USH2A: variants seen among roughly 807,000 people sequenced by gnomAD.
The protein encoded by USH2A is Usher syndrome 2A (autosomal recessive, mild).
A neutral mutation model predicts 538.9 loss-of-function variants in USH2A; 443 were observed. The ratio of observed to expected loss-of-function variants is 0.82; its 90% CI spans 0.76 to 0.89. The LOEUF (loss-of-function observed/expected upper bound fraction) is 0.89. USH2A is among the 40% of genes least tolerant of loss of function. The pLI, the probability that USH2A is intolerant of heterozygous loss-of-function variation, is 0.00. For synonymous variants in USH2A, 2,413 were observed against 2,273.5 expected (o/e 1.06, Z -1.75); for missense variants, 6,633 against 6,324.8 (o/e 1.05, Z -1.65).
intron 22 of USH2A, among the ~76,000 whole-genome samples, chr1:216,094,223 G>A (rs12090884): frequency 6.6e-6 from 1 of 152,028 alleles, no homozygotes; most frequent in South Asian, 2.1e-4. Flanking sequence ...AGCATTTGCT[G>A]TCCTTTTTAA....
chr1:216,198,359 C>A lies in USH2A; in HGVS notation c.4037G>T (p.Gly1346Val), dbSNP rs1180656030. ...TGAGACCCAGGCAGAAGACACACTT[C>A]CAGCCATATTCACAGCTAAGACTCT... ...EFRVLAVNMA[G>V]SVSSAWVSER... The change falls in exon 18 of 72, where the codon GGA (glycine) becomes GTA (valine). Residue 1346 changes from glycine to valine, a missense_variant. Transcript: ENST00000307340. The A allele has an allele frequency of 6.2e-7, 1 of 1,613,910 alleles. No individual in the cohort carries two copies. Among genetic ancestry groups the A allele is most frequent in the Non-Finnish European group, 8.5e-7 (1 of 1,179,962 alleles).
chr1:215,844,115 C>T (rs116825173), intron 46 of USH2A, among the ~76,000 whole-genome samples, 179 bp downstream of exon 46: 176 of 152,308 alleles, frequency 1.2e-3, no homozygotes, highest in Non-Finnish European at 2.3e-3. Context: ...TCTCCAGAGA[C>T]TCACATGTTT....
In USH2A at chr1:216,232,140, G is replaced by A; in HGVS notation, c.2810-4C>T. Reference sequence around the variant, plus strand: ...TTGCCTGGAGAAATATAAAAACCTAGAAATAAAGAAATTAAAAGTTTTATA... The same window carrying A: ...TTGCCTGGAGAAATATAAAAACCTAAAAATAAAGAAATTAAAAGTTTTATA... On this transcript the variant is annotated splice_polypyrimidine_tract_variant and splice_region_variant and intron_variant, in intron 13 of 71. Transcript: ENST00000307340. 1 of 1,611,212 alleles carries A rather than the reference G, an allele frequency of 6.2e-7. No individual in the cohort carries two copies. Among genetic ancestry groups the A allele is most frequent in the Non-Finnish European group, 8.5e-7 (1 of 1,178,966 alleles).
At chr1:215,925,104 T>C (rs1666204801) in intron 38 of USH2A, among the ~76,000 whole-genome samples, 1 of 152,172 alleles carries the variant, frequency 6.6e-6, no homozygotes, top group Non-Finnish European at 1.5e-5. Context: ...GCTTATGATA[T>C]GTAATATTAC....
intron 20 of USH2A, among the ~76,000 whole-genome samples, chr1:216,180,858 T>A (rs1353951676): frequency 6.6e-6 from 1 of 152,136 alleles, no homozygotes; most frequent in Non-Finnish European, 1.5e-5. Context: ...TGCCAAACAC[T>A]GCTAGGCCAG....
intron 9 of USH2A, among the ~76,000 whole-genome samples, chr1:216,306,165 G>A (rs374718214): frequency 9.2e-5 from 14 of 151,954 alleles, no homozygotes; most frequent in East Asian, 3.9e-4. Flanking sequence ...AGATTTGGTC[G>A]TTTAACATAA....
intron 52 of USH2A, among the ~76,000 whole-genome samples, chr1:215,784,920 G>A (rs1483641021): frequency 6.6e-6 from 1 of 152,022 alleles, no homozygotes; most frequent in Non-Finnish European, 1.5e-5. Flanking sequence ...GATTACAAGG[G>A]GCAGATAAAA....
At chr1:216,001,090 C>T (rs1668255858) in intron 32 of USH2A, among the ~76,000 whole-genome samples, 1 of 152,070 alleles carries the variant, frequency 6.6e-6, no homozygotes, top group African/African-American at 2.4e-5. Context: ...TGTGATGTCC[C>T]TAACACTCCT....
At chr1:216,204,146 A>T (rs1365151417) in intron 16 of USH2A, 1 of 152,850 alleles carries the variant, frequency 6.5e-6, no homozygotes, top group African/African-American at 2.4e-5. Context: ...AAATAGGAAC[A>T]ACACCAAAAA....
chr1:215,647,809 T>C, intron 66 of USH2A, 79 bp from the exon 67 acceptor site: 1 of 1,521,798 alleles, frequency 6.6e-7, no homozygotes, highest in Non-Finnish European at 9.0e-7. Flanking sequence ...CAGTTCTATT[T>C]TGTGAGGAGA....
At position 215,817,288 on chromosome 1, in the gene USH2A, A is replaced by AAT. The variant is rs10632923; in HGVS notation, c.9372-95_9372-94dup. ...GTAAAAAGTGGCAGCAATAGATACT[A>AAT]ATATATATATATAATTATATATGTT... On this transcript the variant is annotated intron_variant, in intron 47 of 71. Coordinates refer to ENST00000307340, the MANE Select transcript of USH2A (RefSeq NM_206933.4). 2,678 of 688,840 alleles carry AAT rather than the reference A, an allele frequency of 3.9e-3. 63 individuals carry two copies. In the African/African-American group the frequency reaches 0.045, roughly 12 times the overall value. The allele number at this position is 688,840 out of a possible 1,614,324, so 42.7% of individuals were successfully genotyped here.
chr1:215,670,475 A>AT (rs111826572), intron 64 of USH2A, among the ~76,000 whole-genome samples: 318 of 152,216 alleles, frequency 2.1e-3, no homozygotes, highest in African/African-American at 7.5e-3. Flanking sequence ...ATGCAGTCTT[A>AT]TTTTTTTAGG....
At chr1:216,359,266 T>C (rs2038445668) in intron 4 of USH2A, among the ~76,000 whole-genome samples, 1 of 152,204 alleles carries the variant, frequency 6.6e-6, no homozygotes. Context: ...GTTATCCCTA[T>C]CTTATTGTTT....
chr1:215,655,695 T>C (rs866990972), intron 64 of USH2A, among the ~76,000 whole-genome samples: 2 of 151,766 alleles, frequency 1.3e-5, no homozygotes, highest in Non-Finnish European at 1.5e-5. Flanking sequence ...TGGTGACCCT[T>C]TGGATGCTTC....
chr1:215,680,162 T>G lies in USH2A; in HGVS notation c.12281A>C (p.Asn4094Thr), dbSNP rs1358963233. The G allele has an allele frequency of 1.2e-6, 2 of 1,614,084 alleles. No individual in the cohort carries two copies. The highest frequency in any genetic ancestry group is 2.7e-5 in the African/African-American group (2 of 75,064). ...LLQWSEPMRT[N>T]GVIKTYNIFS... The stretch of plus-strand genomic sequence containing the variant: ...GGTAGACATTACCTTAATCACACCA[T>G]TGGTTCTCATAGGTTCTGACCACTG... Residue 4094 changes from asparagine to threonine, a missense_variant, in exon 62 of 72, where the codon AAT (asparagine) becomes ACT (threonine). Physicochemically the swap from Asn to Thr is moderately conservative, Grantham distance 65 (BLOSUM62 0). Coordinates refer to ENST00000307340, the MANE Select transcript of USH2A (RefSeq NM_206933.4).
intron 19 of USH2A, 122 bp from the exon 20 acceptor site, chr1:216,190,489 A>T: frequency 1.6e-6 from 2 of 1,274,024 alleles, no homozygotes; most frequent in Non-Finnish European, 2.1e-6. Flanking sequence ...AACCACCATT[A>T]GGAAAAGGGT....
At chr1:215,673,785 C>T (rs1484172392) in intron 63 of USH2A, among the ~76,000 whole-genome samples, 6 of 152,112 alleles carry the variant, frequency 3.9e-5, no homozygotes, top group East Asian at 1.9e-4. Flanking sequence ...CAGAACTGTC[C>T]AGGGGCCTGC....
chr1:215,642,991 T>A (rs746522081), intron 67 of USH2A, among the ~76,000 whole-genome samples: 29 of 152,222 alleles, frequency 1.9e-4, no homozygotes, highest in Non-Finnish European at 4.0e-4. Flanking sequence ...ATTCTATTTT[T>A]AAATTATTAT....
At chr1:216,158,103 AATAAATTT>A (rs1356268668) in intron 21 of USH2A, among the ~76,000 whole-genome samples, 1 of 152,194 alleles carries the variant, frequency 6.6e-6, no homozygotes, top group Non-Finnish European at 1.5e-5. Context: ...CAGTCCACTG[AATAAATTT>A]ATTATAATTT....
Sources: allele counts gnomAD v4.1 joint callset (sites outside exome capture counted in the v4.1 genomes callset), GRCh38; gene constraint gnomAD v4.1.1; transcripts MANE v1.5; gene names NCBI Gene and HGNC (gene_info 2026-07-23, HGNC 2026-07-21).